The following KIF26B variants were observed in gnomAD, a reference collection of about 807,000 sequenced individuals.
KIF26B encodes the protein kinesin-like protein KIF26B.
A neutral mutation model predicts 151.2 loss-of-function variants in KIF26B; 63 were observed. The observed-to-expected ratio is 0.42, with a 90% CI of 0.34 to 0.51. KIF26B has a LOEUF of 0.51. KIF26B is among the 20% of genes least tolerant of loss of function. The pLI is 0.07. For missense variants in KIF26B, 2,813 were observed against 2,913.6 expected, an observed-to-expected ratio of 0.97 and a Z score of 0.79; for synonymous variants, 1,357 against 1,262.1, an observed-to-expected ratio of 1.08 and a Z score of -1.59.
intron 2 of KIF26B, among the ~76,000 whole-genome samples, chr1:245,312,062 G>C (rs937765226): frequency 6.6e-6 from 1 of 152,198 alleles, no homozygotes; most frequent in Admixed American, 6.5e-5. Flanking sequence ...CCTATAAAGA[G>C]CCCAGCATCT....
chr1:245,509,932 C>T (rs763151096), intron 4 of KIF26B, among the ~76,000 whole-genome samples: 6 of 152,196 alleles, frequency 3.9e-5, no homozygotes, highest in Admixed American at 1.3e-4. Context: ...TACAGAGCCC[C>T]GTCTGTGGGT....
At chr1:245,670,841 C>T (rs537954094) in intron 10 of KIF26B, among the ~76,000 whole-genome samples, 14 of 152,262 alleles carry the variant, frequency 9.2e-5, no homozygotes, top group African/African-American at 3.4e-4. Context: ...AAGCATTTAT[C>T]CTTTGAGTTA....
At chr1:245,254,053 G>C (rs899381719) in intron 2 of KIF26B, among the ~76,000 whole-genome samples, 1 of 151,926 alleles carries the variant, frequency 6.6e-6, no homozygotes, top group Non-Finnish European at 1.5e-5. Flanking sequence ...CTCGTAATTT[G>C]CCCGCCTCGG....
At chr1:245,200,202 G>A (rs770093190) in intron 2 of KIF26B, among the ~76,000 whole-genome samples, 6 of 152,126 alleles carry the variant, frequency 3.9e-5, no homozygotes, top group African/African-American at 7.2e-5. Context: ...CCTAAATCTC[G>A]TTTTCACAGA....
chr1:245,401,019 G>C (rs765181796), intron 3 of KIF26B, among the ~76,000 whole-genome samples: 7 of 152,132 alleles, frequency 4.6e-5, no homozygotes, highest in Non-Finnish European at 1.0e-4. Flanking sequence ...GTTCATTAAA[G>C]CTTCTTTAAT....
Position 245,502,922 on chromosome 1 carries a change from C to T in KIF26B, c.1167-37845C>T, listed in dbSNP as rs185154913. 1.6e-4 allele frequency among the ~76,000 whole-genome samples: 24 copies of T among 150,486 alleles called. 1 individual carries two copies. The highest frequency in any genetic ancestry group is 5.1e-4 in the African/African-American group (21 of 40,854). On this transcript the variant is annotated intron_variant, in intron 4 of 14. Transcript: ENST00000407071. ...TGTTGCCCAGGCTGGAGTGCAATGG[C>T]GCGATCTCAGCTCATCGCAATCTCT...
intron 2 of KIF26B, among the ~76,000 whole-genome samples, chr1:245,250,504 G>C (rs28694501): frequency 0.17 from 25,765 of 152,022 alleles, 2,377 homozygotes; most frequent in African/African-American, 0.21. Flanking sequence ...ACCTGTCTTG[G>C]TCATGTAATG....
At position 245,366,932 on chromosome 1, in the gene KIF26B, C is replaced by T. The variant is rs937033691; in HGVS notation, c.564C>T (p.Ala188=). 6.2e-7 allele frequency: 1 copy of T among 1,614,046 alleles called. No homozygotes were observed. The highest frequency in any genetic ancestry group is 8.5e-7 in the Non-Finnish European group (1 of 1,179,898). The change falls in exon 3 of 15, where the codon GCC becomes GCT. Residue 188 remains alanine, a synonymous_variant. Coordinates refer to ENST00000407071, the MANE Select transcript of KIF26B (RefSeq NM_018012.4). The stretch of plus-strand genomic sequence containing the variant: ...GGGACAACCGCTGTGACATTTGCGC[C>T]ACTCACCTGAACCAGTTGAAGCAGG... The part of the protein sequence containing the change: ...NDRDNRCDIC[A]THLNQLKQEA...
intron 10 of KIF26B, among the ~76,000 whole-genome samples, chr1:245,659,165 G>A (rs1179436462): frequency 1.3e-5 from 2 of 152,222 alleles, no homozygotes; most frequent in Admixed American, 1.3e-4. Context: ...GTGAGCCTGG[G>A]AGGTTGAGGC....
rs11438800 is a variant in KIF26B at position 245,226,458 on chromosome 1, C to CTT, written c.465+69785_465+69786dup. Reference sequence around the variant, plus strand: ...CTGTATTCTTGTGGAGGGTGCACCTCTTTTTTTTTTTGTTTTTTTGTACAC... The same window carrying CTT: ...CTGTATTCTTGTGGAGGGTGCACCTCTTTTTTTTTTTTTGTTTTTTTGTACAC... On this transcript the variant is annotated intron_variant, in intron 2 of 14. Coordinates refer to ENST00000407071, the MANE Select transcript of KIF26B (RefSeq NM_018012.4). Among the ~76,000 whole-genome samples, 398 of 145,432 alleles carry CTT rather than the reference C, an allele frequency of 2.7e-3. 1 individual carries two copies. Among genetic ancestry groups the CTT allele is most frequent in the African/African-American group, 9.5e-3 (379 of 39,926 alleles).
intron 2 of KIF26B, among the ~76,000 whole-genome samples, chr1:245,187,657 AG>A (rs1669023151): frequency 6.6e-6 from 1 of 152,162 alleles, no homozygotes; most frequent in Non-Finnish European, 1.5e-5. Flanking sequence ...GTACTTTAGG[AG>A]AATGTGGATT....
At chr1:245,663,147 C>T (rs1276170183) in intron 10 of KIF26B, among the ~76,000 whole-genome samples, 2 of 151,960 alleles carry the variant, frequency 1.3e-5, no homozygotes, top group Non-Finnish European at 2.9e-5. Flanking sequence ...GCTTGGGTCC[C>T]CTGTCGTGTT....
intron 3 of KIF26B, among the ~76,000 whole-genome samples, chr1:245,398,002 T>C (rs774613303): frequency 2.0e-5 from 3 of 152,222 alleles, no homozygotes; most frequent in Non-Finnish European, 4.4e-5. Context: ...AGAAGAGTTA[T>C]ATAACCATGG....
chr1:245,457,524 G>C (rs1659562784), intron 4 of KIF26B, among the ~76,000 whole-genome samples: 1 of 152,180 alleles, frequency 6.6e-6, no homozygotes, highest in Middle Eastern at 3.2e-3. Flanking sequence ...TTTTCCTGCT[G>C]TTTTTAAAGA....
chr1:245,487,281 G>C (rs1444986111), intron 4 of KIF26B, among the ~76,000 whole-genome samples: 1 of 152,166 alleles, frequency 6.6e-6, no homozygotes, highest in African/African-American at 2.4e-5. Flanking sequence ...ATCTAAAAGA[G>C]AAACATGTCA....
At chr1:245,579,655 CAA>C (rs1400254267) in intron 5 of KIF26B, among the ~76,000 whole-genome samples, 1 of 128,488 alleles carries the variant, frequency 7.8e-6, no homozygotes, top group Non-Finnish European at 1.6e-5. Context: ...ACTAAAAATA[CAA>C]AAAACAAACA....
intron 10 of KIF26B, among the ~76,000 whole-genome samples, chr1:245,664,080 T>C (rs2044185826): frequency 6.6e-6 from 1 of 152,170 alleles, no homozygotes; most frequent in South Asian, 2.1e-4. Context: ...TTAAAAATAA[T>C]ATCCACGGCC....
rs550758850 is a variant in KIF26B at position 245,662,894 on chromosome 1, T to C, written c.2258+16614T>C. On this transcript the variant is annotated intron_variant, in intron 10 of 14. Transcript: ENST00000407071. ...CTTTCTGTGGCCTTGCTTGTTTTTT[T>C]GTACACATGTGGATTAGAGCTCAAC... Among the ~76,000 whole-genome samples the C allele has an allele frequency of 3.3e-5, 5 of 152,030 alleles. No homozygotes were observed. In the East Asian group the frequency reaches 9.7e-4, roughly 29 times the overall value.
chr1:245,527,573 G>A (rs1042954389), intron 4 of KIF26B, among the ~76,000 whole-genome samples: 4 of 107,552 alleles, frequency 3.7e-5, no homozygotes, highest in Non-Finnish European at 5.1e-5. Context: ...TGGCTATGTC[G>A]CCCAGGCTGG....
Sources: gnomAD v4.1 joint callset for allele counts (sites outside exome capture counted in the v4.1 genomes callset) on GRCh38, gnomAD v4.1.1 for gene constraint, MANE v1.5 for transcripts, NCBI Gene and HGNC (gene_info 2026-07-23, HGNC 2026-07-21) for gene names.